GAS6: variants seen among roughly 807,000 people sequenced by gnomAD.
GAS6 encodes the protein growth arrest specific 6.
Under a neutral mutation model 75.8 loss-of-function variants are expected in GAS6, and 41 were observed. The observed-to-expected ratio is 0.54, with a 90% CI of 0.42 to 0.70. The LOEUF is 0.70. Among genes scored for constraint, GAS6 ranks in the 30% least tolerant of loss-of-function variants. The pLI is 0.00. For synonymous variants in GAS6, 432 were observed against 412.6 expected (o/e 1.05, Z -0.57); for missense variants, 854 against 940.2 (o/e 0.91, Z 1.20).
rs139417873 is a variant in GAS6 at position 113,862,217 on chromosome 13, G to A, written c.255+1358C>T. On this transcript the variant is annotated intron_variant, in intron 2 of 14. Coordinates refer to ENST00000327773, the MANE Select transcript of GAS6 (RefSeq NM_000820.4). Reference sequence around the variant, plus strand: ...TGCAGGTCCTGGAGGACAGCGAGGAGGGGCTGCGGCCAGGCCTTGCAGGGC... The same window carrying A: ...TGCAGGTCCTGGAGGACAGCGAGGAAGGGCTGCGGCCAGGCCTTGCAGGGC... Among the ~76,000 whole-genome samples the A allele has an allele frequency of 3.1e-3, 479 of 152,348 alleles. 1 individual carries two copies. Among genetic ancestry groups the A allele is most frequent in the African/African-American group, 0.011 (450 of 41,572 alleles).
At chr13:113,828,020 A>C (rs543319918) in intron 11 of GAS6, among the ~76,000 whole-genome samples, 1 of 152,210 alleles carries the variant, frequency 6.6e-6, no homozygotes. Flanking sequence ...TCACGCCTGT[A>C]ATCCCAGCAC....
At position 113,820,787 on chromosome 13, in the gene GAS6, C is replaced by CA; in HGVS notation, c.*76dup. On this transcript the variant is annotated 3_prime_UTR_variant, in exon 15 of 15. Coordinates refer to ENST00000327773, the MANE Select transcript of GAS6 (RefSeq NM_000820.4). ...GAAAGCCCAGCTCTCAGCATGGCCCCACGTGGTGAGGAGCCCCCAGGCTCC... is the reference window on the plus strand; with the variant it reads ...GAAAGCCCAGCTCTCAGCATGGCCCCAACGTGGTGAGGAGCCCCCAGGCTCC... The CA allele has an allele frequency of 1.3e-6, 2 of 1,483,160 alleles. No homozygotes were observed. The highest frequency in any genetic ancestry group is 1.2e-5 in the South Asian group (1 of 83,986). 91.9% of individuals were successfully genotyped at this position (1,483,160 alleles called of 1,614,324 possible).
At chr13:113,835,391 G>A (rs966776406) in intron 7 of GAS6, 122 bp downstream of exon 7, 4 of 1,181,486 alleles carry the variant, frequency 3.4e-6, no homozygotes, top group Admixed American at 2.0e-5. Context: ...TAGAAACAGG[G>A]AGAAAGAGAC....
chr13:113,858,983 A>T (rs2051944093), intron 2 of GAS6, among the ~76,000 whole-genome samples: 1 of 147,912 alleles, frequency 6.8e-6, no homozygotes, highest in South Asian at 2.2e-4. Context: ...TGTCTATATG[A>T]ATGTGTGCAT....
chr13:113,859,287 T>C (rs893282893), intron 2 of GAS6, among the ~76,000 whole-genome samples: 1 of 152,010 alleles, frequency 6.6e-6, no homozygotes, highest in Non-Finnish European at 1.5e-5. Context: ...TCTATGTGAA[T>C]GTGTGCATGT....
chr13:113,821,754 C>T (rs1303349864), intron 14 of GAS6: 1 of 544,226 alleles, frequency 1.8e-6, no homozygotes, highest in South Asian at 2.7e-5. Context: ...ACGTGTTTCT[C>T]AGTCTCAGCC....
At chr13:113,839,324 C>G (rs935581339) in intron 5 of GAS6, 1 of 185,164 alleles carries the variant, frequency 5.4e-6, no homozygotes, top group South Asian at 1.2e-4. Flanking sequence ...GGTGAAATCT[C>G]CCCCCGGCCT....
Position 113,821,573 on chromosome 13 carries a change from C to T in GAS6, c.1882+385G>A, listed in dbSNP as rs576721261. ...CCCTGCTGGACATGGGAGGGGCTGG[C>T]GGTCACTCTGTTCGCTGCTAACAGC... On this transcript the variant is annotated intron_variant, in intron 14 of 14. Coordinates refer to ENST00000327773, the MANE Select transcript of GAS6 (RefSeq NM_000820.4). 96 of 260,662 alleles carry T rather than the reference C, an allele frequency of 3.7e-4. 2 individuals carry two copies. The South Asian group carries it at 7.3e-3, about 20-fold the overall frequency. The allele number at this position is 260,662 out of a possible 1,614,324, so 16.1% of individuals were successfully genotyped here. A position where few individuals can be genotyped will look rare whatever the true frequency, so the allele number is the denominator to read the frequency against.
intron 10 of GAS6, among the ~76,000 whole-genome samples, chr13:113,830,135 TCAG>T (rs2051611795): frequency 6.6e-6 from 1 of 152,238 alleles, no homozygotes; most frequent in African/African-American, 2.4e-5. Flanking sequence ...TTCCTGAGCT[TCAG>T]AAGAATATCC....
At chr13:113,828,487 A>G in intron 11 of GAS6, 60 bp downstream of exon 11, 1 of 1,550,318 alleles carries the variant, frequency 6.5e-7, no homozygotes, top group Non-Finnish European at 8.8e-7. Flanking sequence ...AGGCTTCCTG[A>G]CACCGTTCCC....
chr13:113,820,875 C>A lies in GAS6; in HGVS notation c.2026G>T (p.Ala676Ser), dbSNP rs768231297. ...TAHSCPPVEP[A>S]AA ...CGTCCCGTGGGGGCCTAGGCTGCGG[C>A]GGGCTCCACGGGGGGGCAGGAGTGG... Residue 676 changes from alanine to serine, a missense_variant, in exon 15 of 15, where the codon GCC becomes TCC. Coordinates refer to ENST00000327773, the MANE Select transcript of GAS6 (RefSeq NM_000820.4). 9 of 1,610,108 alleles carry A rather than the reference C, an allele frequency of 5.6e-6. No homozygotes were observed. The highest frequency in any genetic ancestry group is 7.6e-6 in the Non-Finnish European group (9 of 1,179,634).
intron 11 of GAS6, among the ~76,000 whole-genome samples, chr13:113,828,015 C>T (rs1211423529): frequency 6.6e-6 from 1 of 152,200 alleles, no homozygotes; most frequent in Non-Finnish European, 1.5e-5. Flanking sequence ...GTGGCTCACG[C>T]CTGTAATCCC....
intron 3 of GAS6, chr13:113,847,755 C>G (rs1386951883): frequency 2.1e-6 from 1 of 482,316 alleles, no homozygotes; most frequent in Non-Finnish European, 3.7e-6. Flanking sequence ...CACGTCCTGA[C>G]AAGGAGCTGA....
chr13:113,850,892 G>A (rs1398451216), intron 2 of GAS6, among the ~76,000 whole-genome samples: 1 of 152,200 alleles, frequency 6.6e-6, no homozygotes, highest in African/African-American at 2.4e-5. Flanking sequence ...ATGAATGGAT[G>A]GATGAGTGAA....
At chr13:113,851,333 G>A (rs1260470112) in intron 2 of GAS6, among the ~76,000 whole-genome samples, 1 of 150,838 alleles carries the variant, frequency 6.6e-6, no homozygotes, top group Non-Finnish European at 1.5e-5. Context: ...ATGAATGAGT[G>A]GGTGGATGGG....
Position 113,835,592 on chromosome 13 carries a change from G to T in GAS6, c.633C>A (p.Arg211=), listed in dbSNP as rs970619103. 4 of 1,612,512 alleles carry T rather than the reference G, an allele frequency of 2.5e-6. No homozygotes were observed. In the East Asian group the frequency reaches 6.7e-5, roughly 27 times the overall value. Reference sequence around the variant, plus strand: ...AGTAGGAGCCGGGCAGGTTCTTGCAGCGCGCCTCCCCGCAGGCCTCCGAGT... The same window carrying T: ...AGTAGGAGCCGGGCAGGTTCTTGCATCGCGCCTCCCCGCAGGCCTCCGAGT... ...CADSEACGEA[R]CKNLPGSYSC... Residue 211 remains arginine (R), a synonymous_variant, in exon 7 of 15, where the codon CGC becomes CGA. Coordinates refer to ENST00000327773, the MANE Select transcript of GAS6 (RefSeq NM_000820.4).
chr13:113,834,275 G>A (rs1460521259), intron 8 of GAS6, among the ~76,000 whole-genome samples: 1 of 152,200 alleles, frequency 6.6e-6, no homozygotes, highest in East Asian at 1.9e-4. Flanking sequence ...CCTGGCACGC[G>A]GCAGAGTGGG....
At chr13:113,843,060 C>T (rs1594204195) in intron 4 of GAS6, 9 of 388,510 alleles carry the variant, frequency 2.3e-5, no homozygotes, top group South Asian at 2.9e-4. Context: ...GACAGTCAGC[C>T]GGTGCCCAGC....
chr13:113,859,305 CAT>C (rs1234847220), intron 2 of GAS6, among the ~76,000 whole-genome samples: 21 of 149,676 alleles, frequency 1.4e-4, no homozygotes, highest in African/African-American at 4.7e-4. Context: ...TGTATGTGTA[CAT>C]GTCTGTTAGT....
Sources: allele counts gnomAD v4.1 joint callset (sites outside exome capture counted in the v4.1 genomes callset), GRCh38; gene constraint gnomAD v4.1.1; transcripts MANE v1.5; gene names NCBI Gene and HGNC (gene_info 2026-07-23, HGNC 2026-07-21).